Variants in GRXCR2 observed in about 807,000 individuals in gnomAD.
GRXCR2 encodes glutaredoxin and cysteine rich domain containing 2, also known as glutaredoxin domain-containing cysteine-rich protein 2.
A neutral mutation model predicts 24.8 loss-of-function variants in GRXCR2; 23 were observed. That is an observed-to-expected ratio of 0.93 (90% confidence interval 0.67 to 1.32). The LOEUF (loss-of-function observed/expected upper bound fraction) is 1.32, where lower values mean the gene tolerates loss of function less well. GRXCR2 is among the 40% of genes most tolerant of loss of function. The pLI, the probability that GRXCR2 is intolerant of heterozygous loss-of-function variation, is 0.00. For missense variants in GRXCR2, 315 were observed against 303.4 expected (o/e 1.04, Z -0.28); for synonymous variants, 130 against 116.1 (o/e 1.12, Z -0.77).
chr5:145,876,200 TATATATATATATATATACACACACACAC>T (rs1161092097), upstream of GRXCR2, among the ~76,000 whole-genome samples: 3 of 134,762 alleles, frequency 2.2e-5, no homozygotes, highest in Admixed American at 1.5e-4. Flanking sequence ...TGTATATATA[TATATATATATATATATACACACACACAC>T]ACATACCCAC....
chr5:145,926,918 T>C (rs915124629), intron 2 of GRXCR2, among the ~76,000 whole-genome samples: 14 of 152,200 alleles, frequency 9.2e-5, no homozygotes, highest in African/African-American at 2.9e-4. Context: ...CAGTGGTTTG[T>C]AGTTCTCATT....
intron 2 of GRXCR2, among the ~76,000 whole-genome samples, chr5:145,899,541 GTACTGA>G (rs1212481996): frequency 1.3e-5 from 2 of 152,006 alleles, no homozygotes; most frequent in East Asian, 3.8e-4. Flanking sequence ...AAACAGTATG[GTACTGA>G]TACAAAAACA....
intron 2 of GRXCR2, among the ~76,000 whole-genome samples, chr5:145,906,926 T>C (rs1757096720): frequency 6.6e-6 from 1 of 152,168 alleles, no homozygotes; most frequent in Non-Finnish European, 1.5e-5. Context: ...TATAAAGTTA[T>C]CATGGGAGGC....
At chr5:145,906,635 A>T (rs1757092666) in intron 2 of GRXCR2, among the ~76,000 whole-genome samples, 1 of 152,160 alleles carries the variant, frequency 6.6e-6, no homozygotes, top group Admixed American at 6.5e-5. Context: ...TCATGGAATG[A>T]TTCCTGATTA....
chr5:145,909,600 G>A (rs1285329366), intron 2 of GRXCR2, among the ~76,000 whole-genome samples: 1 of 152,168 alleles, frequency 6.6e-6, no homozygotes, highest in Non-Finnish European at 1.5e-5. Flanking sequence ...TAGCTTGCTT[G>A]TTTGGTTGTG....
intron 2 of GRXCR2, among the ~76,000 whole-genome samples, chr5:145,901,702 G>C (rs1242140978): frequency 6.6e-6 from 1 of 152,152 alleles, no homozygotes; most frequent in Non-Finnish European, 1.5e-5. Context: ...ATGAGGGAGG[G>C]ATCTAGGAGA....
At chr5:145,896,810 T>C (rs437686) in intron 2 of GRXCR2, among the ~76,000 whole-genome samples, 75,100 of 151,904 alleles carry the variant, frequency 0.49, 20,972 homozygotes, top group African/African-American at 0.74. Context: ...TTATGAATCA[T>C]GCTGCTATAA....
intron 2 of GRXCR2, among the ~76,000 whole-genome samples, chr5:145,892,350 G>C (rs1164716344): frequency 6.6e-6 from 1 of 152,054 alleles, no homozygotes. Flanking sequence ...AAAGAAGGAA[G>C]TTCGAACCCA....
chr5:145,864,463 C>T (rs1013186467), intron 2 of GRXCR2, among the ~76,000 whole-genome samples: 1 of 152,024 alleles, frequency 6.6e-6, no homozygotes, highest in African/African-American at 2.4e-5. Flanking sequence ...GCTCTGTGTC[C>T]CTACCCAAAT....
At chr5:145,929,930 C>A (rs1757457268) in intron 2 of GRXCR2, among the ~76,000 whole-genome samples, 1 of 152,092 alleles carries the variant, frequency 6.6e-6, no homozygotes, top group Non-Finnish European at 1.5e-5. Context: ...AGATCAGAGT[C>A]TCCTATAGCC....
chr5:145,893,779 G>A (rs555306859), intron 2 of GRXCR2, among the ~76,000 whole-genome samples: 43 of 152,132 alleles, frequency 2.8e-4, no homozygotes, highest in African/African-American at 5.5e-4. Context: ...TGCACCAAGC[G>A]GACCTAACAG....
chr5:145,909,745 G>C (rs989956938), intron 2 of GRXCR2, among the ~76,000 whole-genome samples: 1 of 152,138 alleles, frequency 6.6e-6, no homozygotes, highest in African/African-American at 2.4e-5. Context: ...CCACCTGTCT[G>C]AGCCTTCTGA....
chr5:145,926,107 G>T (rs1757390211), intron 2 of GRXCR2, among the ~76,000 whole-genome samples: 1 of 152,112 alleles, frequency 6.6e-6, no homozygotes, highest in Admixed American at 6.6e-5. Context: ...TCATCAGAAA[G>T]GAAACAGTGA....
chr5:145,915,809 T>C (rs1757229350), intron 2 of GRXCR2, among the ~76,000 whole-genome samples: 1 of 152,114 alleles, frequency 6.6e-6, no homozygotes, highest in South Asian at 2.1e-4. Flanking sequence ...GGACATTTCC[T>C]TGTGCCTCAG....
At chr5:145,907,705 C>T (rs185962964) in intron 2 of GRXCR2, among the ~76,000 whole-genome samples, 7 of 151,912 alleles carry the variant, frequency 4.6e-5, no homozygotes, top group Admixed American at 3.3e-4. Flanking sequence ...CTGGTGAATC[C>T]GACACGGGGT....
At chr5:145,874,620 A>G (rs1162773104), upstream of GRXCR2, among the ~76,000 whole-genome samples, 1 of 152,070 alleles carries the variant, frequency 6.6e-6, no homozygotes, top group Non-Finnish European at 1.5e-5. Flanking sequence ...GGACTTCCCT[A>G]CTCACCCCCA....
intron 2 of GRXCR2, among the ~76,000 whole-genome samples, chr5:145,893,725 A>G (rs1174858744): frequency 2.0e-5 from 3 of 152,170 alleles, no homozygotes; most frequent in East Asian, 1.9e-4. Context: ...ACAGATCAAC[A>G]AGACATAAAT....
intron 2 of GRXCR2, among the ~76,000 whole-genome samples, chr5:145,862,010 A>C (rs1030712654): frequency 1.1e-4 from 17 of 152,250 alleles, no homozygotes; most frequent in African/African-American, 4.1e-4. Context: ...TAGTATATTA[A>C]CAATGGAGAA....
At chr5:145,874,130 T>G (rs1332461595), upstream of GRXCR2, among the ~76,000 whole-genome samples, 2 of 152,158 alleles carry the variant, frequency 1.3e-5, no homozygotes, top group African/African-American at 4.8e-5. Context: ...GCATCACCAT[T>G]TACTGAGTTA....
Sources: gnomAD v4.1 joint callset for allele counts (sites outside exome capture counted in the v4.1 genomes callset) on GRCh38, gnomAD v4.1.1 for gene constraint, MANE v1.5 for transcripts, NCBI Gene and HGNC (gene_info 2026-07-23, HGNC 2026-07-21) for gene names.